Variants in CEP128 observed in about 807,000 individuals in gnomAD.
CEP128 encodes the protein centrosomal protein 128kDa.
CEP128 carries 132 observed loss-of-function variants against 156.7 expected under a neutral mutation model. That is an observed-to-expected ratio of 0.84 (90% CI 0.73 to 0.97). The LOEUF (loss-of-function observed/expected upper bound fraction) is 0.97, where lower values mean the gene tolerates loss of function less well. Ranked by LOEUF, CEP128 falls within the 50% of genes least tolerant of loss-of-function variation. CEP128 has a pLI of 0.00. For missense variants in CEP128, 1,252 were observed against 1,281.9 expected (o/e 0.98, Z 0.36); for synonymous variants, 469 against 448.9 (o/e 1.04, Z -0.57).
At chr14:80,733,858 T>C (rs567701614) in intron 19 of CEP128, among the ~76,000 whole-genome samples, 79 of 152,290 alleles carry the variant, frequency 5.2e-4, no homozygotes, top group African/African-American at 1.7e-3. Flanking sequence ...CAATCATAAA[T>C]TGAAGTTTAG....
intron 13 of CEP128, among the ~76,000 whole-genome samples, chr14:80,819,813 G>A (rs117554893): frequency 0.023 from 3,549 of 152,162 alleles, 62 homozygotes; most frequent in Non-Finnish European, 0.038. Context: ...GTGGATTTGT[G>A]TACTCCTAGA....
At chr14:80,849,540 C>T (rs1171313940) in intron 9 of CEP128, among the ~76,000 whole-genome samples, 2 of 152,120 alleles carry the variant, frequency 1.3e-5, no homozygotes, top group Non-Finnish European at 2.9e-5. Context: ...AAATACTATC[C>T]TAATACTTGA....
At chr14:80,823,083 T>G (rs1885276363) in intron 13 of CEP128, among the ~76,000 whole-genome samples, 1 of 152,212 alleles carries the variant, frequency 6.6e-6, no homozygotes. Flanking sequence ...CATGGCCACC[T>G]TGGCACAAAA....
intron 9 of CEP128, among the ~76,000 whole-genome samples, chr14:80,856,022 T>C (rs1887137874): frequency 6.6e-6 from 1 of 152,192 alleles, no homozygotes; most frequent in Admixed American, 6.5e-5. Context: ...TACTTCTTCA[T>C]TAGGTTTTTC....
intron 5 of CEP128, 111 bp from the exon 6 acceptor site, chr14:80,905,042 C>T: frequency 1.5e-6 from 1 of 659,020 alleles, no homozygotes; most frequent in South Asian, 2.0e-5. Flanking sequence ...TATTCATGTC[C>T]CTAACCCAGA....
intron 14 of CEP128, among the ~76,000 whole-genome samples, chr14:80,482,441 G>A (rs1212796452): frequency 6.6e-6 from 1 of 152,188 alleles, no homozygotes; most frequent in Non-Finnish European, 1.5e-5. Flanking sequence ...GTAACATGAA[G>A]TCCAAAGGCA....
At chr14:80,847,452 C>T (rs1359722948) in intron 9 of CEP128, among the ~76,000 whole-genome samples, 1 of 151,794 alleles carries the variant, frequency 6.6e-6, no homozygotes. Flanking sequence ...CCACAAGTAA[C>T]AAATATAAAG....
chr14:80,805,874 G>A (rs1343178838), intron 13 of CEP128, among the ~76,000 whole-genome samples: 2 of 152,130 alleles, frequency 1.3e-5, no homozygotes, highest in Non-Finnish European at 2.9e-5. Context: ...TTCAAATGGT[G>A]TTTTTTAAAG....
intron 18 of CEP128, among the ~76,000 whole-genome samples, chr14:80,752,041 A>T (rs967371694): frequency 2.0e-5 from 3 of 152,174 alleles, no homozygotes; most frequent in African/African-American, 7.2e-5. Flanking sequence ...ATCTGTGAGA[A>T]TCCTCTACTG....
At chr14:80,728,597 G>C (rs1334541050) in intron 19 of CEP128, among the ~76,000 whole-genome samples, 1 of 152,062 alleles carries the variant, frequency 6.6e-6, no homozygotes, top group Non-Finnish European at 1.5e-5. Context: ...GCATTGCTAT[G>C]GGATCTCTGT....
intron 19 of CEP128, among the ~76,000 whole-genome samples, chr14:80,712,437 G>T (rs1230830374): frequency 6.6e-6 from 1 of 152,092 alleles, no homozygotes; most frequent in East Asian, 1.9e-4. Context: ...TACTCCCTCA[G>T]AAAACTACAC....
At chr14:80,690,123 TG>T (rs1272918259) in intron 19 of CEP128, among the ~76,000 whole-genome samples, 1 of 151,840 alleles carries the variant, frequency 6.6e-6, no homozygotes, top group Non-Finnish European at 1.5e-5. Flanking sequence ...GAAGACAGTT[TG>T]GGCAGGGCGT....
chr14:80,830,197 AG>A (rs1474661508), intron 13 of CEP128: 1 of 620,308 alleles, frequency 1.6e-6, no homozygotes, highest in Non-Finnish European at 2.9e-6. Context: ...AAACATGTAG[AG>A]GGCTTTGTAA....
chr14:80,777,393 G>A (rs1484421864), intron 16 of CEP128, among the ~76,000 whole-genome samples: 1 of 152,190 alleles, frequency 6.6e-6, no homozygotes, highest in East Asian at 1.9e-4. Context: ...ACCAGACACT[G>A]ATTCTGCCAG....
chr14:80,943,630 C>A (rs1386571831), upstream of CEP128, among the ~76,000 whole-genome samples: 1 of 152,170 alleles, frequency 6.6e-6, no homozygotes, highest in Admixed American at 6.5e-5. Flanking sequence ...AAATATGTTA[C>A]TAAATTCATA....
chr14:80,708,151 T>G (rs1279486161), intron 19 of CEP128, among the ~76,000 whole-genome samples: 1 of 152,180 alleles, frequency 6.6e-6, no homozygotes, highest in Non-Finnish European at 1.5e-5. Flanking sequence ...TTCCAGTATT[T>G]GCTATTAAAG....
chr14:80,743,060 A>G lies in CEP128; in HGVS notation c.2806+15T>C, dbSNP rs542529476. ...AATATAAACAAAGAAAAATGAAAGA[A>G]CAACTAACACACACCTCTCTTCTCA... On this transcript the variant is annotated intron_variant, in intron 19 of 24. Transcript: ENST00000555265. The G allele has an allele frequency of 1.9e-6, 3 of 1,608,894 alleles. No individual in the cohort carries two copies. The highest frequency in any genetic ancestry group is 2.5e-6 in the Non-Finnish European group (3 of 1,177,328).
At chr14:80,689,031 G>A (rs191586436) in intron 19 of CEP128, among the ~76,000 whole-genome samples, 13 of 152,076 alleles carry the variant, frequency 8.5e-5, no homozygotes, top group African/African-American at 2.9e-4. Flanking sequence ...ATTACCTCAC[G>A]ATACAATATG....
At chr14:80,768,087 T>C (rs1298042095) in intron 16 of CEP128, among the ~76,000 whole-genome samples, 2 of 152,158 alleles carry the variant, frequency 1.3e-5, no homozygotes, top group Non-Finnish European at 2.9e-5. Context: ...GCACATTAAA[T>C]GTGTCAAGCA....
Sources: gnomAD v4.1 joint callset for allele counts (sites outside exome capture counted in the v4.1 genomes callset) on GRCh38, gnomAD v4.1.1 for gene constraint, MANE v1.5 for transcripts, NCBI Gene and HGNC (gene_info 2026-07-23, HGNC 2026-07-21) for gene names.